The following NOP53 variants were observed in gnomAD, a reference collection of about 807,000 sequenced individuals.
The protein encoded by NOP53 is NOP53 ribosome biogenesis factor.
Under a neutral mutation model 61.0 loss-of-function variants are expected in NOP53, and 40 were observed. That is an observed-to-expected ratio of 0.66 (90% CI 0.51 to 0.85). The LOEUF is 0.85. Among genes scored for constraint, NOP53 ranks in the 40% least tolerant of loss-of-function variants. NOP53 has a pLI of 0.00. For missense variants in NOP53, 689 were observed against 652.9 expected (o/e 1.06, Z -0.60); for synonymous variants, 308 against 289.5 (o/e 1.06, Z -0.65).
intron 5 of NOP53, among the ~76,000 whole-genome samples, chr19:47,752,032 G>A (rs1967130663): frequency 6.6e-6 from 1 of 152,104 alleles, no homozygotes; most frequent in South Asian, 2.1e-4. Flanking sequence ...GCTTGGACCA[G>A]GGAGGTGGAG....
chr19:47,746,865 T>A (rs1380158003), intron 1 of NOP53, 102 bp from the exon 2 acceptor site: 4 of 911,644 alleles, frequency 4.4e-6, no homozygotes, highest in African/African-American at 1.6e-5. Flanking sequence ...AAGAGTCCGG[T>A]GGCGGGACTT....
At chr19:47,755,602 TC>T (rs1967185493) in intron 9 of NOP53, 79 bp downstream of exon 9, 5 of 1,396,888 alleles carry the variant, frequency 3.6e-6, no homozygotes, top group Non-Finnish European at 4.8e-6. Context: ...CTGCCTTTGT[TC>T]AGGAACTGCC....
intron 5 of NOP53, among the ~76,000 whole-genome samples, chr19:47,752,043 G>T (rs191257852): frequency 2.0e-5 from 3 of 152,220 alleles, no homozygotes; most frequent in African/African-American, 7.2e-5. Flanking sequence ...GGAGGTGGAG[G>T]TGGCAGTGAG....
chr19:47,755,580 C>T (rs1967185230), intron 9 of NOP53, 57 bp downstream of exon 9: 1 of 1,440,712 alleles, frequency 6.9e-7, no homozygotes, highest in African/African-American at 1.4e-5. Flanking sequence ...GGTCCCAGGT[C>T]CTGACACCTT....
At chr19:47,747,067 A>G (rs771689274) in intron 2 of NOP53, 36 bp downstream of exon 2, 2 of 1,506,348 alleles carry the variant, frequency 1.3e-6, no homozygotes, top group Non-Finnish European at 1.8e-6. Flanking sequence ...AATGGCGGTT[A>G]TTCATTGTTA....
chr19:47,750,137 G>A (rs527779654), intron 2 of NOP53, 41 bp from the exon 3 acceptor site: 1 of 1,305,292 alleles, frequency 7.7e-7, no homozygotes. Flanking sequence ...TTGGCAGTGG[G>A]TAGGGCTGAG....
chr19:47,752,548 C>T lies in NOP53; in HGVS notation c.706C>T (p.Pro236Ser). The change falls in exon 6 of 13, where the codon CCC (proline) becomes TCC (serine). Residue 236 changes from proline (P) to serine (S), a missense_variant. Pro to Ser is a moderately conservative substitution (Grantham distance 74, BLOSUM62 -1). Transcript: ENST00000246802. ...CCTGCACACCAAGCCGTCCCAGGCA[C>T]CCGCCGTGGAGGTGGCGCCTGCCGG... is the stretch of plus-strand genomic sequence containing the variant. ...ARLHTKPSQAPAVEVAPAGAS... is the reference protein window; with the variant it reads ...ARLHTKPSQASAVEVAPAGAS... The T allele has an allele frequency of 1.2e-6, 2 of 1,610,418 alleles. No homozygotes were observed.
intron 2 of NOP53, among the ~76,000 whole-genome samples, chr19:47,749,337 T>A (rs1967098315): frequency 6.6e-6 from 1 of 152,060 alleles, no homozygotes; most frequent in South Asian, 2.1e-4. Context: ...AAAGAGGCAG[T>A]TTATGGGTTC....
At chr19:47,749,347 C>G (rs921178579) in intron 2 of NOP53, among the ~76,000 whole-genome samples, 3 of 152,046 alleles carry the variant, frequency 2.0e-5, no homozygotes, top group African/African-American at 7.2e-5. Flanking sequence ...TTTATGGGTT[C>G]CACTTTAGTA....
At chr19:47,755,634 C>A (rs1020976473) in intron 9 of NOP53, 111 bp downstream of exon 9, 1 of 1,330,104 alleles carries the variant, frequency 7.5e-7, no homozygotes, top group Non-Finnish European at 1.0e-6. Flanking sequence ...ATCGGGAGAC[C>A]ACCTCTTCCC....
At chr19:47,749,610 C>G (rs1967101074) in intron 2 of NOP53, among the ~76,000 whole-genome samples, 2 of 133,624 alleles carry the variant, frequency 1.5e-5, no homozygotes, top group Admixed American at 1.6e-4. Context: ...GTAAAAACCA[C>G]AGGTATCTTT....
intron 10 of NOP53, chr19:47,756,068 A>G: frequency 1.8e-6 from 1 of 567,952 alleles, no homozygotes; most frequent in Non-Finnish European, 3.2e-6. Flanking sequence ...AGTCCCGGTC[A>G]CCTTTAGGAC....
rs1195946495 is a variant in NOP53 at position 47,756,592 on chromosome 19, G to A, written c.1361G>A (p.Arg454Gln). ...CAGAGGAGGAATATGATCGAGCCTC[G>A]AGAGAGAGCCAAGTAAGGGGCGGCC... The part of the protein sequence containing the change: ...SFQRRNMIEP[R>Q]ERAKFKRKYK... Residue 454 changes from arginine (R) to glutamine (Q), a missense_variant, in exon 11 of 13, where the codon CGA becomes CAA. Physicochemically the swap from Arg to Gln is conservative, Grantham distance 43 (BLOSUM62 1). Coordinates refer to ENST00000246802, the MANE Select transcript of NOP53 (RefSeq NM_015710.5). 5 of 1,614,026 alleles carry A rather than the reference G, an allele frequency of 3.1e-6. No individual in the cohort carries two copies. The highest frequency in any genetic ancestry group is 2.2e-5 in the East Asian group (1 of 44,866).
chr19:47,745,572 G>C lies in NOP53; in HGVS notation c.13G>C (p.Gly5Arg). ...TTCCTTTGACAAGATGGCGGCAGGA[G>C]GCAGTGGCGTTGGTGGGAAGCGCAG... MAAG[G>R]SGVGGKRSSK... Residue 5 changes from glycine to arginine, a missense_variant, in exon 1 of 13, where the codon GGC becomes CGC. Physicochemically the swap from Gly to Arg is moderately radical, Grantham distance 125 (BLOSUM62 -2). Transcript: ENST00000246802. 6.2e-7 allele frequency: 1 copy of C among 1,613,788 alleles called. No individual in the cohort carries two copies. The highest frequency in any genetic ancestry group is 8.5e-7 in the Non-Finnish European group (1 of 1,179,906).
In NOP53 at chr19:47,747,779, C is replaced by CT. The variant is rs750831883; in HGVS notation, c.289+773dup. ...CTAATTTCTTTTCTTTTCTCTCTCT[C>CT]TTTTTTTTTTTTTTTTTTTTTTTTT... On this transcript the variant is annotated intron_variant, in intron 2 of 12. Coordinates refer to ENST00000246802, the MANE Select transcript of NOP53 (RefSeq NM_015710.5). 3.1e-3 allele frequency among the ~76,000 whole-genome samples: 177 copies of CT among 56,886 alleles called. 5 individuals carry two copies. Among genetic ancestry groups the CT allele is most frequent in the East Asian group, 0.01 (21 of 2,038 alleles). The allele number at this position is 56,886 out of a possible 152,430, so 37.3% of individuals were successfully genotyped here.
In NOP53 at chr19:47,754,327, G is replaced by A; in HGVS notation, c.766-200G>A. On this transcript the variant is annotated intron_variant, in intron 6 of 12. Transcript: ENST00000246802. The surrounding 1 kb of genome is among the most constrained non-coding windows in gnomAD (Gnocchi z 4.2). ...GTCAGACTGCCTTCACAGACGTGCA[G>A]AGCAGGTGTGAGGGCGAGGGTTTGA... The A allele has an allele frequency of 1.7e-6, 1 of 588,804 alleles. No homozygotes were observed. Among genetic ancestry groups the A allele is most frequent in the Non-Finnish European group, 3.1e-6 (1 of 325,394 alleles). 36.5% of individuals were successfully genotyped at this position (588,804 alleles called of 1,614,324 possible).
Position 47,750,150 on chromosome 19 carries a change from C to G in NOP53, c.290-28C>G, listed in dbSNP as rs183291225. The stretch of plus-strand genomic sequence containing the variant: ...CTTTGGCAGTGGGTAGGGCTGAGGC[C>G]TTGACTTGTTCTCTTTCCCATTCTT... On this transcript the variant is annotated intron_variant, in intron 2 of 12. Coordinates refer to ENST00000246802, the MANE Select transcript of NOP53 (RefSeq NM_015710.5). The G allele has an allele frequency of 4.8e-6, 7 of 1,464,038 alleles. No individual in the cohort carries two copies. In the East Asian group the frequency reaches 1.6e-4, roughly 33 times the overall value. 90.7% of individuals were successfully genotyped at this position (1,464,038 alleles called of 1,614,324 possible).
At chr19:47,752,905 G>A in intron 6 of NOP53, 1 of 378,302 alleles carries the variant, frequency 2.6e-6, no homozygotes, top group Non-Finnish European at 4.9e-6. Context: ...TGGGAGGAGG[G>A]GAGTGGGTTT....
At chr19:47,755,561 A>C (rs774067261) in intron 9 of NOP53, 38 bp downstream of exon 9, 13 of 1,455,870 alleles carry the variant, frequency 8.9e-6, no homozygotes, top group Non-Finnish European at 1.2e-5. Flanking sequence ...GAGGCTGGGG[A>C]GGGGGCCGGG....
Sources: allele counts gnomAD v4.1 joint callset (sites outside exome capture counted in the v4.1 genomes callset), GRCh38; gene constraint gnomAD v4.1.1; non-coding constraint Gnocchi (gnomAD v3.1); transcripts MANE v1.5; gene names NCBI Gene and HGNC (gene_info 2026-07-23, HGNC 2026-07-21).